Variants in FIGNL1 observed in about 807,000 individuals in gnomAD.
The protein encoded by FIGNL1 is fidgetin like 1, also known as fidgetin-like protein 1.
Under a neutral mutation model 28.9 loss-of-function variants are expected in FIGNL1, and 11 were observed. That is an observed-to-expected ratio of 0.38 (90% CI 0.24 to 0.63). FIGNL1 has a LOEUF of 0.63. FIGNL1 is among the 20% of genes least tolerant of loss of function. The pLI, the probability that FIGNL1 is intolerant of heterozygous loss-of-function variation, is 0.57. For missense variants in FIGNL1, 789 were observed against 810.4 expected, an observed-to-expected ratio of 0.97 and a Z score of 0.32; for synonymous variants, 295 against 276.5, an observed-to-expected ratio of 1.07 and a Z score of -0.66.
chr7:50,446,326 T>G lies in FIGNL1; in HGVS notation c.962A>C (p.Tyr321Ser). The change falls in exon 4 of 4, where the codon TAT (tyrosine) becomes TCT (serine). Residue 321 changes from tyrosine (Y) to serine (S), a missense_variant. By Grantham distance (144) the Tyr-to-Ser change is moderately radical. Coordinates refer to ENST00000433017, the MANE Select transcript of FIGNL1 (RefSeq NM_001287492.4). ...HQPQRASGSS[Y>S]GGVKKSLGAS... ...TCCTAGAGACTTTTTTACACCACCA[T>G]ATGAAGACCCTGATGCACGCTGAGG... 1 of 1,614,180 alleles carries G rather than the reference T, an allele frequency of 6.2e-7. No individual in the cohort carries two copies. The highest frequency in any genetic ancestry group is 8.5e-7 in the Non-Finnish European group (1 of 1,180,024).
chr7:50,445,278 A>C lies in FIGNL1; in HGVS notation c.2010T>G (p.Phe670Leu). ...AGTATCCCACTTACTTTCCACAACCAAAAGTTTTGTTCCAGTTTTCATAAA... is the reference window on the plus strand; with the variant it reads ...AGTATCCCACTTACTTTCCACAACCCAAAGTTTTGTTCCAGTTTTCATAAA... ...LELYENWNKT[F>L]GCGK Residue 670 changes from phenylalanine (F) to leucine (L), a missense_variant, in exon 4 of 4, where the codon TTT (phenylalanine) becomes TTG (leucine). Phe to Leu is a conservative substitution (Grantham distance 22). Transcript: ENST00000433017. 6.4e-7 allele frequency: 1 copy of C among 1,565,606 alleles called. No homozygotes were observed. The highest frequency in any genetic ancestry group is 8.6e-7 in the Non-Finnish European group (1 of 1,157,378).
chr7:50,445,334 G>T lies in FIGNL1; in HGVS notation c.1954C>A (p.Arg652=). ...AAATCTTTTGGAGAAACACTAGGTC[G>T]CACAGTTCTAAAAGCATTTTCAAAA... is the stretch of plus-strand genomic sequence containing the variant. The part of the protein sequence containing the change: ...IDFENAFRTV[R]PSVSPKDLEL... Residue 652 remains arginine (R), a synonymous_variant, in exon 4 of 4, where the codon CGA becomes AGA. Coordinates refer to ENST00000433017, the MANE Select transcript of FIGNL1 (RefSeq NM_001287492.4). The T allele has an allele frequency of 1.2e-6, 2 of 1,612,302 alleles. No individual in the cohort carries two copies. The highest frequency in any genetic ancestry group is 1.7e-6 in the Non-Finnish European group (2 of 1,179,424).
At position 50,449,612 on chromosome 7, in the gene FIGNL1, G is replaced by T. The variant is rs1408346625; in HGVS notation, c.-614C>A. 1 of 152,216 alleles carries T rather than the reference G, an allele frequency of 6.6e-6. No individual in the cohort carries two copies. Among genetic ancestry groups the T allele is most frequent in the African/African-American group, 2.4e-5 (1 of 41,436 alleles). The allele number at this position is 152,216 out of a possible 1,614,324, so 9.4% of individuals were successfully genotyped here. On this transcript the variant is annotated 5_prime_UTR_variant, in exon 2 of 4. Coordinates refer to ENST00000433017, the MANE Select transcript of FIGNL1 (RefSeq NM_001287492.4). ...GGATTCTGTTCTTGATGCAAAACGG[G>T]AGTTAAGAGCACAGGGTCTGGAGCC...
Position 50,445,610 on chromosome 7 carries a change from C to A in FIGNL1, c.1678G>T (p.Val560Leu), listed in dbSNP as rs750494666. Residue 560 changes from valine (V) to leucine (L), a missense_variant, in exon 4 of 4, where the codon GTG becomes TTG. By Grantham distance (32) the Val-to-Leu change is conservative. Transcript: ENST00000433017. ...EIDEAARRRL[V>L]KRLYIPLPEA... ...GGGAGGGGAATATAAAGCCTTTTCA[C>A]CAATCTTCTCCGGGCAGCCTCATCA... 8.7e-6 allele frequency: 14 copies of A among 1,614,046 alleles called. No homozygotes were observed. The highest frequency in any genetic ancestry group is 1.6e-4 in the Middle Eastern group (1 of 6,084).
Position 50,445,637 on chromosome 7 carries a change from T to C in FIGNL1, c.1651A>G (p.Ile551Val), listed in dbSNP as rs748715277. 18 of 1,614,016 alleles carry C rather than the reference T, an allele frequency of 1.1e-5. No homozygotes were observed. In the South Asian group the frequency reaches 1.8e-4, roughly 16 times the overall value. ...VVGATNRPQE[I>V]DEAARRRLVK... is the part of the protein sequence containing the mutation. ...AATCTTCTCCGGGCAGCCTCATCAA[T>C]TTCTTGTGGCCGATTTGTTGCTCCC... The change falls in exon 4 of 4, where the codon ATT becomes GTT. Residue 551 changes from isoleucine (I) to valine (V), a missense_variant. Physicochemically the swap from Ile to Val is conservative, Grantham distance 29. Coordinates refer to ENST00000433017, the MANE Select transcript of FIGNL1 (RefSeq NM_001287492.4).
In FIGNL1 at chr7:50,450,260, T is replaced by C. The variant is rs925134243; in HGVS notation, c.-726+41A>G. ...CCCCAACCCTGATGCTCCACAGGGG[T>C]CAGCAGCGCCCCTGCCCCGCCTCCC... On this transcript the variant is annotated intron_variant, in intron 1 of 3. Transcript: ENST00000433017. 2.7e-4 allele frequency: 41 copies of C among 152,336 alleles called. 1 individual carries two copies. Among genetic ancestry groups the C allele is most frequent in the African/African-American group, 9.1e-4 (38 of 41,536 alleles). 9.4% of individuals were successfully genotyped at this position (152,336 alleles called of 1,614,324 possible). A position where few individuals can be genotyped will look rare whatever the true frequency, so the allele number is the denominator to read the frequency against.
At chr7:50,450,039 C>G (rs547974868) in intron 1 of FIGNL1, 2 of 152,566 alleles carry the variant, frequency 1.3e-5, no homozygotes, top group South Asian at 4.1e-4. Flanking sequence ...GGCCCCGAGC[C>G]TGCCGTCCAC....
At chr7:50,448,599 C>T (rs567281705) in intron 2 of FIGNL1, 6 of 152,296 alleles carry the variant, frequency 3.9e-5, no homozygotes, top group African/African-American at 1.4e-4. Flanking sequence ...AATTTACTTA[C>T]ATATCCACAA....
At chr7:50,449,788 C>CA in intron 1 of FIGNL1, 65 bp from the exon 2 acceptor site, 1 of 152,382 alleles carries the variant, frequency 6.6e-6, no homozygotes, top group Non-Finnish European at 1.5e-5. Context: ...AAGCACTAGA[C>CA]AGAGGACTCA....
rs144012928 is a variant in FIGNL1, at chr7:50,446,438, T to C, written c.850A>G (p.Asn284Asp). The change falls in exon 4 of 4, where the codon AAT (asparagine) becomes GAT (aspartate). Residue 284 changes from asparagine to aspartate, a missense_variant. Coordinates refer to ENST00000433017, the MANE Select transcript of FIGNL1 (RefSeq NM_001287492.4). ...AGGCTGCTATCCTCCTTTGGGCCAT[T>C]ATCTTCTGTTTTACTACAAGCCTTA... ...LNKACSKTED[N>D]GPKEDSSLPT... The C allele has an allele frequency of 6.2e-6, 10 of 1,614,070 alleles. No individual in the cohort carries two copies. In the Admixed American group the frequency reaches 1.0e-4, roughly 16 times the overall value.
At position 50,445,918 on chromosome 7, in the gene FIGNL1, T is replaced by A; in HGVS notation, c.1370A>T (p.Gln457Leu). The A allele has an allele frequency of 6.2e-7, 1 of 1,614,154 alleles. No homozygotes were observed. Among genetic ancestry groups the A allele is most frequent in the Non-Finnish European group, 8.5e-7 (1 of 1,180,038 alleles). The change falls in exon 4 of 4, where the codon CAG becomes CTG. Residue 457 changes from glutamine (Q) to leucine (L), a missense_variant. Transcript: ENST00000433017. ...GATGCTAAAGAATGTTGCCCCAGAC[T>A]GACTAGCAATGCACTTGCCAATTAG... ...KTLIGKCIAS[Q>L]SGATFFSISA... is the part of the protein sequence containing the mutation.
At chr7:50,450,147 C>G (rs114927142) in intron 1 of FIGNL1, 154 bp downstream of exon 1, 1 of 152,912 alleles carries the variant, frequency 6.5e-6, no homozygotes, top group Non-Finnish European at 1.5e-5. Flanking sequence ...ACAGCCACTG[C>G]CTGGCTCCCG....
In FIGNL1 at chr7:50,446,496, G is replaced by A. The variant is rs1820864660; in HGVS notation, c.792C>T (p.Gly264=). ...TTGGATTGGAAAGTGCATCAATGGT[G>A]CCAGAACCATAAAAAGACTTCCTCT... ...NPQRKSFYGS[G]TIDALSNPIL... The change falls in exon 4 of 4, where the codon GGC becomes GGT. Residue 264 remains glycine, a synonymous_variant. Transcript: ENST00000433017. 2 of 1,614,174 alleles carry A rather than the reference G, an allele frequency of 1.2e-6. No homozygotes were observed. Among genetic ancestry groups the A allele is most frequent in the Non-Finnish European group, 1.7e-6 (2 of 1,180,042 alleles).
Position 50,444,932 on chromosome 7 carries a change from T to C in FIGNL1, c.*331A>G, listed in dbSNP as rs1223469970. 1 of 166,000 alleles carries C rather than the reference T, an allele frequency of 6.0e-6. No homozygotes were observed. Among genetic ancestry groups the C allele is most frequent in the Non-Finnish European group, 1.3e-5 (1 of 77,746 alleles). 10.3% of individuals were successfully genotyped at this position (166,000 alleles called of 1,614,324 possible). ...AGAAGGCACTTTCTTCAATAAAAGA[T>C]GAATATTAATCAGACACAACTTTAT... On this transcript the variant is annotated 3_prime_UTR_variant, in exon 4 of 4. Transcript: ENST00000433017.
rs755592733 is a variant in FIGNL1 at position 50,447,067 on chromosome 7, T to C, written c.221A>G (p.Asn74Ser). The C allele has an allele frequency of 2.0e-5, 33 of 1,614,230 alleles. No individual in the cohort carries two copies. Among genetic ancestry groups the C allele is most frequent in the Non-Finnish European group, 2.5e-5 (29 of 1,180,026 alleles). The change falls in exon 4 of 4, where the codon AAT becomes AGT. Residue 74 changes from asparagine to serine, a missense_variant. Transcript: ENST00000433017. Reference sequence around the variant, plus strand: ...ATAATTATTCAACCCAGATTCAACATTGTCAGAATCAATAATTGCAGAATA... The same window carrying C: ...ATAATTATTCAACCCAGATTCAACACTGTCAGAATCAATAATTGCAGAATA... ...EKYSAIIDSD[N>S]VESGLNNYAE...
At position 50,446,705 on chromosome 7, in the gene FIGNL1, T is replaced by C; in HGVS notation, c.583A>G (p.Asn195Asp). Residue 195 changes from asparagine to aspartate, a missense_variant, in exon 4 of 4, where the codon AAC (asparagine) becomes GAC (aspartate). Transcript: ENST00000433017. Reference protein sequence around the residue: ...LQNAQPPMVTNTARTCPTFSA... With the variant: ...LQNAQPPMVTDTARTCPTFSA... ...AATGTAGGACAAGTCCTAGCAGTGT[T>C]AGTCACCATAGGTGGCTGGGCATTC... 1 of 1,614,244 alleles carries C rather than the reference T, an allele frequency of 6.2e-7. No individual in the cohort carries two copies. The highest frequency in any genetic ancestry group is 8.5e-7 in the Non-Finnish European group (1 of 1,180,038).
At chr7:50,448,914 C>T (rs531552041) in intron 2 of FIGNL1, 82 of 152,338 alleles carry the variant, frequency 5.4e-4, no homozygotes, top group African/African-American at 1.9e-3. Context: ...CTAGATCTGA[C>T]CTCTTCTGTC....
At chr7:50,447,937 A>T (rs542678587) in intron 3 of FIGNL1, 1 of 152,150 alleles carries the variant, frequency 6.6e-6, no homozygotes, top group East Asian at 1.9e-4. Flanking sequence ...GGGTTTCGCC[A>T]TGTTAGTCAG....
rs1300281619 is a variant in FIGNL1, at chr7:50,444,794, T to A, written c.*469A>T. 7.9e-5 allele frequency: 12 copies of A among 152,328 alleles called. No individual in the cohort carries two copies. The East Asian group carries it at 2.1e-3, about 27-fold the overall frequency. The allele number at this position is 152,328 out of a possible 1,614,324, so 9.4% of individuals were successfully genotyped here. A position where few individuals can be genotyped will look rare whatever the true frequency, so the allele number is the denominator to read the frequency against. On this transcript the variant is annotated 3_prime_UTR_variant, in exon 4 of 4. Transcript: ENST00000433017. ...GAGGTAACAAATTGGCTGAAGAAAG[T>A]AAAAATTGGCACTTTAGCTTTGAGA...
Sources: gnomAD v4.1 joint callset for allele counts on GRCh38, gnomAD v4.1.1 for gene constraint, MANE v1.5 for transcripts, NCBI Gene and HGNC (gene_info 2026-07-23, HGNC 2026-07-21) for gene names.